Variants in RELN observed in about 807,000 individuals in gnomAD.
RELN encodes reelin.
Under a neutral mutation model 427.6 loss-of-function variants are expected in RELN, and 108 were observed. The ratio of observed to expected loss-of-function variants is 0.25; its 90% CI spans 0.22 to 0.30. RELN has a LOEUF of 0.30. RELN is among the 10% of genes least tolerant of loss of function. The pLI is 1.00. For synonymous variants in RELN, 1,524 were observed against 1,513.4 expected, an observed-to-expected ratio of 1.01 and a Z score of -0.16; for missense variants, 3,715 against 4,302.8, an observed-to-expected ratio of 0.86 and a Z score of 3.82.
intron 2 of RELN, among the ~76,000 whole-genome samples, chr7:103,877,168 T>C (rs1004704062): frequency 6.6e-6 from 1 of 152,072 alleles, no homozygotes; most frequent in Non-Finnish European, 1.5e-5. Context: ...TCACCTCTCT[T>C]CTCCCTTTCT....
rs111393918 is a variant in RELN at position 103,932,632 on chromosome 7, T to C, written c.227-15447A>G. 3.7e-3 allele frequency among the ~76,000 whole-genome samples: 561 copies of C among 152,324 alleles called. 3 individuals are homozygous for C. The highest frequency in any genetic ancestry group is 0.013 in the African/African-American group (535 of 41,576). Reference sequence around the variant, plus strand: ...TGGTGGTGGAAGCAGCACCTATTCGTTGGCTTTGGAGTCAGAATGGCTAGC... The same window carrying C: ...TGGTGGTGGAAGCAGCACCTATTCGCTGGCTTTGGAGTCAGAATGGCTAGC... On this transcript the variant is annotated intron_variant, in intron 1 of 64. Transcript: ENST00000428762.
chr7:103,815,234 G>A (rs1031806883), intron 3 of RELN, among the ~76,000 whole-genome samples: 2 of 152,170 alleles, frequency 1.3e-5, no homozygotes, highest in Non-Finnish European at 2.9e-5. Context: ...AAACATTTGA[G>A]AAATTCAGCT....
At chr7:103,634,006 C>T (rs1832525464) in intron 19 of RELN, among the ~76,000 whole-genome samples, 1 of 152,048 alleles carries the variant, frequency 6.6e-6, no homozygotes, top group African/African-American at 2.4e-5. Context: ...TAATGTATAA[C>T]ACTTATAAGT....
intron 1 of RELN, among the ~76,000 whole-genome samples, chr7:103,950,034 C>T (rs189868490): frequency 1.3e-5 from 2 of 152,284 alleles, no homozygotes; most frequent in African/African-American, 4.8e-5. Context: ...ATTTCTTTTT[C>T]ACAGTTCTGG....
At chr7:103,586,339 G>A (rs1831270202) in intron 28 of RELN, among the ~76,000 whole-genome samples, 1 of 151,964 alleles carries the variant, frequency 6.6e-6, no homozygotes, top group South Asian at 2.1e-4. Context: ...CTCCAGCCTG[G>A]GCGACAGAGT....
intron 3 of RELN, among the ~76,000 whole-genome samples, chr7:103,799,793 C>T (rs992824158): frequency 3.9e-5 from 6 of 152,120 alleles, no homozygotes; most frequent in African/African-American, 1.4e-4. Context: ...GAATCTGAGT[C>T]TGAATCTGAT....
intron 60 of RELN, among the ~76,000 whole-genome samples, chr7:103,487,168 A>G (rs367607452): frequency 1.3e-5 from 2 of 152,246 alleles, no homozygotes; most frequent in African/African-American, 4.8e-5. Flanking sequence ...AGAAAACCAA[A>G]CCACCGCATG....
At chr7:103,894,600 A>T (rs777092449) in intron 2 of RELN, among the ~76,000 whole-genome samples, 1 of 152,186 alleles carries the variant, frequency 6.6e-6, no homozygotes, top group Non-Finnish European at 1.5e-5. Flanking sequence ...TTAACAAAAA[A>T]AAAGAAAATG....
At chr7:103,703,319 C>T (rs1039862781) in intron 8 of RELN, among the ~76,000 whole-genome samples, 1 of 152,210 alleles carries the variant, frequency 6.6e-6, no homozygotes, top group Admixed American at 6.5e-5. Flanking sequence ...GCTTTTTCTT[C>T]ACACAAACCC....
intron 42 of RELN, among the ~76,000 whole-genome samples, chr7:103,544,719 G>A (rs554285203): frequency 6.6e-6 from 1 of 152,262 alleles, no homozygotes; most frequent in East Asian, 1.9e-4. Context: ...AATTCTAGGT[G>A]TAAAACTAAA....
At chr7:103,820,488 A>G (rs1439713520) in intron 3 of RELN, among the ~76,000 whole-genome samples, 1 of 152,030 alleles carries the variant, frequency 6.6e-6, no homozygotes, top group Non-Finnish European at 1.5e-5. Context: ...AAATTAGATG[A>G]AATCCCAAAT....
chr7:103,646,164 C>T (rs1262120275), intron 16 of RELN, among the ~76,000 whole-genome samples: 1 of 151,392 alleles, frequency 6.6e-6, no homozygotes, highest in Admixed American at 6.6e-5. Flanking sequence ...TAAATTCCTA[C>T]ATAAAAAATA....
rs749098614 is a variant in RELN, at chr7:103,652,742, A to G, written c.1572T>C (p.Ser524=). Residue 524 remains serine (S), a synonymous_variant, in exon 14 of 65, where the codon TCT becomes TCC. Coordinates refer to ENST00000428762, the MANE Select transcript of RELN (RefSeq NM_005045.4). ...YSSYKVPSLV[S]VVINPELQTP... is the part of the protein sequence containing the mutation. ...TCTGAAGTTCAGGATTGATGACCAC[A>G]GAAACCAAAGACGGAACCTTTCAAA... is the stretch of plus-strand genomic sequence containing the variant. 2 of 1,612,760 alleles carry G rather than the reference A, an allele frequency of 1.2e-6. No individual in the cohort carries two copies. Among genetic ancestry groups the G allele is most frequent in the South Asian group, 2.2e-5 (2 of 91,064 alleles).
intron 3 of RELN, among the ~76,000 whole-genome samples, chr7:103,781,895 C>T (rs1405363075): frequency 6.6e-6 from 1 of 151,884 alleles, no homozygotes; most frequent in Admixed American, 6.6e-5. Context: ...GTGTTATTAA[C>T]TATGCTGGTA....
chr7:103,783,531 A>AT (rs557740033), intron 3 of RELN, among the ~76,000 whole-genome samples: 3 of 151,912 alleles, frequency 2.0e-5, no homozygotes, highest in East Asian at 1.9e-4. Flanking sequence ...AAGCCACAGA[A>AT]TTTTTTTTCT....
chr7:103,524,296 T>C (rs774799664), intron 46 of RELN, among the ~76,000 whole-genome samples: 1 of 152,116 alleles, frequency 6.6e-6, no homozygotes, highest in Non-Finnish European at 1.5e-5. Context: ...GGATTTCAGC[T>C]TCCCACTTGC....
intron 8 of RELN, among the ~76,000 whole-genome samples, chr7:103,713,014 C>G (rs1789844398): frequency 6.6e-6 from 1 of 152,098 alleles, no homozygotes; most frequent in African/African-American, 2.4e-5. Context: ...GCCTCTTTCC[C>G]CAAAGCTCTG....
chr7:103,737,444 G>A (rs1361535992), intron 6 of RELN, among the ~76,000 whole-genome samples: 2 of 152,174 alleles, frequency 1.3e-5, no homozygotes, highest in African/African-American at 2.4e-5. Flanking sequence ...CTAAATGGAG[G>A]AGTCTTCTGT....
At chr7:103,495,077 C>G (rs1049300108) in intron 57 of RELN, among the ~76,000 whole-genome samples, 8 of 151,468 alleles carry the variant, frequency 5.3e-5, no homozygotes, top group African/African-American at 1.9e-4. Context: ...GGTAGGGAGA[C>G]TGAAATCCAG....
Sources: allele counts gnomAD v4.1 joint callset (sites outside exome capture counted in the v4.1 genomes callset), GRCh38; gene constraint gnomAD v4.1.1; transcripts MANE v1.5; gene names NCBI Gene and HGNC (gene_info 2026-07-23, HGNC 2026-07-21).